ARPP21: variants seen among roughly 807,000 people sequenced by gnomAD.
The protein encoded by ARPP21 is cAMP regulated phosphoprotein 21.
ARPP21 carries 69 observed loss-of-function variants against 113.2 expected under a neutral mutation model. The ratio of observed to expected loss-of-function variants is 0.61; its 90% CI spans 0.50 to 0.74. The LOEUF (loss-of-function observed/expected upper bound fraction) is 0.74. ARPP21 is among the 30% of genes least tolerant of loss of function. ARPP21 has a pLI of 0.00. For missense variants in ARPP21, 1,070 were observed against 1,037.4 expected (o/e 1.03, Z -0.43); for synonymous variants, 368 against 375.5 (o/e 0.98, Z 0.23).
chr3:35,747,061 A>C (rs1269253159), intron 19 of ARPP21, among the ~76,000 whole-genome samples: 1 of 152,102 alleles, frequency 6.6e-6, no homozygotes, highest in Non-Finnish European at 1.5e-5. Context: ...AAAGAACACT[A>C]ATGTTGGGGC....
At position 35,709,036 on chromosome 3, in the gene ARPP21, A is replaced by G; in HGVS notation, c.863A>G (p.Tyr288Cys). Residue 288 changes from tyrosine to cysteine, a missense_variant, in exon 11 of 21, where the codon TAT becomes TGT. Tyr to Cys is a radical substitution (Grantham distance 194, BLOSUM62 -2). Coordinates refer to ENST00000684406, the MANE Select transcript of ARPP21 (RefSeq NM_001385562.1). ...TCAATTGAAGAGAGAGAAGAGGAAT[A>G]TCAGAGAGTGAGGGAGAGAATATTT... Reference protein sequence around the residue: ...SKSIEEREEEYQRVRERIFAH... With the variant: ...SKSIEEREEECQRVRERIFAH... 2.5e-6 allele frequency: 4 copies of G among 1,613,662 alleles called. No individual in the cohort carries two copies. The highest frequency in any genetic ancestry group is 3.4e-6 in the Non-Finnish European group (4 of 1,179,586).
At chr3:35,791,171 A>AT in intron 19 of ARPP21, among the ~76,000 whole-genome samples, 1 of 152,244 alleles carries the variant, frequency 6.6e-6, no homozygotes, top group South Asian at 2.1e-4. Flanking sequence ...CTATAATATA[A>AT]TGTGGTCCTT....
At chr3:35,681,545 C>T in intron 2 of ARPP21, 169 bp from the exon 3 acceptor site, 1 of 529,668 alleles carries the variant, frequency 1.9e-6, no homozygotes. Flanking sequence ...CTGCATCTGC[C>T]TCTTGTGCAT....
intron 9 of ARPP21, among the ~76,000 whole-genome samples, chr3:35,704,292 A>G (rs2087782587): frequency 6.6e-6 from 1 of 151,882 alleles, no homozygotes; most frequent in Admixed American, 6.6e-5. Context: ...ATTAATTAGA[A>G]TAAGCCTTAT....
intron 19 of ARPP21, among the ~76,000 whole-genome samples, chr3:35,767,016 C>T (rs1473348576): frequency 6.6e-6 from 1 of 152,146 alleles, no homozygotes; most frequent in Non-Finnish European, 1.5e-5. Context: ...CTTCATTTAG[C>T]TCTTTACTGC....
At chr3:35,699,336 T>G (rs12637500) in intron 9 of ARPP21, among the ~76,000 whole-genome samples, 72,654 of 151,378 alleles carry the variant, frequency 0.48, 19,423 homozygotes, top group East Asian at 0.8. Context: ...TTTCCCTTGT[T>G]TCTTCTAAAT....
intron 1 of ARPP21, among the ~76,000 whole-genome samples, chr3:35,645,131 A>G (rs541823047): frequency 1.3e-5 from 2 of 151,960 alleles, no homozygotes; most frequent in East Asian, 3.9e-4. Context: ...TATCTAGCAA[A>G]AGAAAATCAT....
chr3:35,761,537 G>A (rs1383986951), intron 19 of ARPP21, among the ~76,000 whole-genome samples: 1 of 152,024 alleles, frequency 6.6e-6, no homozygotes, highest in East Asian at 1.9e-4. Context: ...GCCACTGTCA[G>A]CAAAGTTTGT....
At chr3:35,780,595 G>A (rs1324153322) in intron 19 of ARPP21, among the ~76,000 whole-genome samples, 3 of 152,014 alleles carry the variant, frequency 2.0e-5, no homozygotes, top group Non-Finnish European at 4.4e-5. Flanking sequence ...AATAATGAGT[G>A]GGCTAAACAA....
At chr3:35,758,476 G>T (rs547091474) in intron 19 of ARPP21, among the ~76,000 whole-genome samples, 7 of 151,910 alleles carry the variant, frequency 4.6e-5, no homozygotes, top group Admixed American at 2.0e-4. Context: ...TGTTAAAAAT[G>T]ACACAATTCA....
intron 18 of ARPP21, among the ~76,000 whole-genome samples, chr3:35,739,853 A>C (rs529515648): frequency 1.2e-4 from 19 of 152,318 alleles, no homozygotes; most frequent in Admixed American, 9.8e-4. Context: ...ACCATAAGAA[A>C]GCATTCCCTC....
At chr3:35,670,254 G>T (rs1049476299) in intron 1 of ARPP21, among the ~76,000 whole-genome samples, 2 of 152,080 alleles carry the variant, frequency 1.3e-5, no homozygotes, top group African/African-American at 4.8e-5. Context: ...TGTCAGGTTT[G>T]TGCAGGGAAC....
At chr3:35,665,320 C>A (rs373836226) in intron 1 of ARPP21, among the ~76,000 whole-genome samples, 13 of 151,516 alleles carry the variant, frequency 8.6e-5, no homozygotes, top group Admixed American at 1.3e-4. Context: ...AGATCATAAG[C>A]GGCCTAAGCT....
chr3:35,747,467 T>C lies in ARPP21; in HGVS notation c.2137+3502T>C, dbSNP rs186646771. ...TTTGTAGCTACATTTGTGAGAAAAATAAAAAACCTTCAATTTACAAATATC... is the reference window on the plus strand; with the variant it reads ...TTTGTAGCTACATTTGTGAGAAAAACAAAAAACCTTCAATTTACAAATATC... On this transcript the variant is annotated intron_variant, in intron 19 of 20. Transcript: ENST00000684406. Among the ~76,000 whole-genome samples, 32 of 150,262 alleles carry C rather than the reference T, an allele frequency of 2.1e-4. No homozygotes were observed. In the East Asian group the frequency reaches 6.3e-3, roughly 29 times the overall value.
At chr3:35,714,723 A>G (rs2092084596) in intron 11 of ARPP21, among the ~76,000 whole-genome samples, 1 of 152,178 alleles carries the variant, frequency 6.6e-6, no homozygotes, top group East Asian at 1.9e-4. Flanking sequence ...TGTCCTCCCT[A>G]CATTGTGCAT....
At chr3:35,715,599 A>T (rs1441613381) in intron 12 of ARPP21, 123 bp downstream of exon 12, 1 of 739,194 alleles carries the variant, frequency 1.4e-6, no homozygotes, top group East Asian at 2.6e-5. Context: ...GCAGATACAT[A>T]TATCTATGCG....
Position 35,668,027 on chromosome 3 carries a change from A to AGAAGGAGAAGGAGAAGG in ARPP21, c.-212-11760_-212-11759insGAAGGAGAAGGAGAAGG, listed in dbSNP as rs2075309284. ...GAAGAAGAAGAAGAAGAAGAAGAAG[A>AGAAGGAGAAGGAGAAGG]AGAAGGAGAAGAAGAAGAAAGAAGA... On this transcript the variant is annotated intron_variant, in intron 1 of 20. Coordinates refer to ENST00000684406, the MANE Select transcript of ARPP21 (RefSeq NM_001385562.1). 1.6e-4 allele frequency among the ~76,000 whole-genome samples: 21 copies of AGAAGGAGAAGGAGAAGG among 132,470 alleles called. 1 individual carries two copies. Among genetic ancestry groups the AGAAGGAGAAGGAGAAGG allele is most frequent in the Admixed American group, 9.1e-4 (12 of 13,196 alleles). 86.9% of individuals were successfully genotyped at this position (132,470 alleles called of 152,430 possible). A position where few individuals can be genotyped will look rare whatever the true frequency, so the allele number is the denominator to read the frequency against.
chr3:35,717,386 G>T, intron 13 of ARPP21, 29 bp downstream of exon 13: 2 of 1,412,144 alleles, frequency 1.4e-6, no homozygotes, highest in African/African-American at 1.4e-5. Flanking sequence ...CTTAAACTGT[G>T]TTTTTTTCAA....
At position 35,793,786 on chromosome 3, in the gene ARPP21, C is replaced by T; in HGVS notation, c.2372C>T (p.Ser791Leu). 6.2e-7 allele frequency: 1 copy of T among 1,614,072 alleles called. No homozygotes were observed. Among genetic ancestry groups the T allele is most frequent in the South Asian group, 1.1e-5 (1 of 91,080 alleles). Reference sequence around the variant, plus strand: ...CTACCTAACCAGGCAGGTCAAGGGTCACTCCCAGCCACTGGAATGCCTGTT... The same window carrying T: ...CTACCTAACCAGGCAGGTCAAGGGTTACTCCCAGCCACTGGAATGCCTGTT... ...IMLPNQAGQG[S>L]LPATGMPVYC... Residue 791 changes from serine (S) to leucine (L), a missense_variant, in exon 21 of 21, where the codon TCA becomes TTA. Physicochemically the swap from Ser to Leu is moderately radical, Grantham distance 145. Transcript: ENST00000684406.
Sources: gnomAD v4.1 joint callset for allele counts (sites outside exome capture counted in the v4.1 genomes callset) on GRCh38, gnomAD v4.1.1 for gene constraint, MANE v1.5 for transcripts, NCBI Gene and HGNC (gene_info 2026-07-23, HGNC 2026-07-21) for gene names.